Variants in ADAM23 observed in about 807,000 individuals in gnomAD.
ADAM23 encodes the protein disintegrin and metalloproteinase domain-containing protein 23.
ADAM23 carries 33 observed loss-of-function variants against 120.1 expected under a neutral mutation model. The observed-to-expected ratio is 0.27, with a 90% CI of 0.21 to 0.37. The LOEUF is 0.37. ADAM23 is among the 10% of genes least tolerant of loss of function. The pLI is 1.00. For missense variants in ADAM23, 862 were observed against 1,058.2 expected (o/e 0.81, Z 2.57); for synonymous variants, 367 against 375.2 (o/e 0.98, Z 0.25).
chr2:206,577,215 C>T (rs978423842), intron 18 of ADAM23, among the ~76,000 whole-genome samples: 6 of 152,122 alleles, frequency 3.9e-5, no homozygotes, highest in African/African-American at 1.4e-4. Flanking sequence ...TTAGAAATCT[C>T]ACATGTGGCT....
At chr2:206,507,697 A>G (rs1696523911) in intron 3 of ADAM23, among the ~76,000 whole-genome samples, 1 of 152,170 alleles carries the variant, frequency 6.6e-6, no homozygotes, top group African/African-American at 2.4e-5. Context: ...TTTCTTAATG[A>G]GATTTTGTCT....
At chr2:206,605,302 A>T (rs959853956) in intron 24 of ADAM23, among the ~76,000 whole-genome samples, 2 of 152,224 alleles carry the variant, frequency 1.3e-5, no homozygotes, top group Non-Finnish European at 2.9e-5. Context: ...GTAAACATGT[A>T]TTTACTTTTA....
In ADAM23 at chr2:206,601,895, G is replaced by A. The variant is rs571983419; in HGVS notation, c.2359+5733G>A. On this transcript the variant is annotated intron_variant, in intron 24 of 25. Coordinates refer to ENST00000264377, the MANE Select transcript of ADAM23 (RefSeq NM_003812.4). Reference sequence around the variant, plus strand: ...CTTATTAACTGATCCATTATTGTCAGTGATGCTTTTTATGGAATTAGATAA... The same window carrying A: ...CTTATTAACTGATCCATTATTGTCAATGATGCTTTTTATGGAATTAGATAA... 2.0e-5 allele frequency among the ~76,000 whole-genome samples: 3 copies of A among 152,174 alleles called. No homozygotes were observed. In the East Asian group the frequency reaches 5.8e-4, roughly 29 times the overall value.
intron 4 of ADAM23, among the ~76,000 whole-genome samples, chr2:206,538,870 T>A (rs1697234952): frequency 6.6e-6 from 1 of 152,138 alleles, no homozygotes; most frequent in African/African-American, 2.4e-5. Context: ...CTCCTTGGCC[T>A]CCCAAAGTGC....
rs143776177 is a variant in ADAM23 at position 206,463,007 on chromosome 2, G to A, written c.432+17483G>A. Among the ~76,000 whole-genome samples the A allele has an allele frequency of 4.2e-3, 636 of 152,300 alleles. 6 individuals are homozygous for A. Among genetic ancestry groups the A allele is most frequent in the African/African-American group, 0.014 (597 of 41,572 alleles). On this transcript the variant is annotated intron_variant, in intron 2 of 25. Transcript: ENST00000264377. ...GTTTACATTTGTCCAGGCAGTGATG[G>A]TGTGGACTGCACTGGGTGATGAGCA...
At chr2:206,548,379 T>G (rs774612223) in intron 8 of ADAM23, 25 bp downstream of exon 8, 1 of 1,600,006 alleles carries the variant, frequency 6.2e-7, no homozygotes, top group Non-Finnish European at 8.5e-7. Flanking sequence ...GAGCCTTGGG[T>G]GGGCCTATTT....
At position 206,618,472 on chromosome 2, in the gene ADAM23, A is replaced by C. The variant is rs878995771; in HGVS notation, c.*845A>C. On this transcript the variant is annotated 3_prime_UTR_variant, in exon 26 of 26. Transcript: ENST00000264377. ...TAAGAGATTTTGACACATCATTTTC[A>C]CTTGTCTGTATTGAGATATTTTCCT... 2.6e-5 allele frequency: 4 copies of C among 152,318 alleles called. No homozygotes were observed. Among genetic ancestry groups the C allele is most frequent in the South Asian group, 4.1e-4 (2 of 4,822 alleles). The allele number at this position is 152,318 out of a possible 1,614,324, so 9.4% of individuals were successfully genotyped here.
At chr2:206,537,146 A>G (rs1697193337) in intron 4 of ADAM23, among the ~76,000 whole-genome samples, 1 of 152,116 alleles carries the variant, frequency 6.6e-6, no homozygotes, top group Non-Finnish European at 1.5e-5. Flanking sequence ...CCCTGCCCTT[A>G]TGGGTCCTGT....
intron 3 of ADAM23, among the ~76,000 whole-genome samples, chr2:206,507,132 T>G (rs1039816051): frequency 2.0e-5 from 3 of 152,194 alleles, no homozygotes; most frequent in Admixed American, 6.5e-5. Flanking sequence ...TAAGAAAGTA[T>G]ATTTAAAATT....
chr2:206,480,742 T>A (rs1253640031), intron 2 of ADAM23, among the ~76,000 whole-genome samples: 2 of 152,168 alleles, frequency 1.3e-5, no homozygotes, highest in Non-Finnish European at 2.9e-5. Context: ...TTTCTGAAGT[T>A]ACAAGGTTGT....
intron 2 of ADAM23, among the ~76,000 whole-genome samples, chr2:206,465,636 C>G (rs921305617): frequency 2.6e-5 from 4 of 151,970 alleles, no homozygotes; most frequent in Non-Finnish European, 4.4e-5. Flanking sequence ...TTGCTTATTT[C>G]AGGTAATTAA....
At chr2:206,456,373 C>T (rs1257713490) in intron 2 of ADAM23, among the ~76,000 whole-genome samples, 1 of 151,990 alleles carries the variant, frequency 6.6e-6, no homozygotes, top group African/African-American at 2.4e-5. Flanking sequence ...CAGGACCCTC[C>T]TCTAAAACTG....
intron 3 of ADAM23, among the ~76,000 whole-genome samples, chr2:206,517,049 TAAAA>T (rs200219522): frequency 1.3e-5 from 2 of 151,994 alleles, no homozygotes; most frequent in African/African-American, 2.4e-5. Flanking sequence ...CTTGCTAAAA[TAAAA>T]AAACACGCTC....
chr2:206,614,605 C>T (rs567571258), intron 25 of ADAM23, among the ~76,000 whole-genome samples: 22 of 152,036 alleles, frequency 1.4e-4, no homozygotes, highest in African/African-American at 5.1e-4. Flanking sequence ...TGAGCCGAGA[C>T]TGCGCCATTG....
intron 2 of ADAM23, among the ~76,000 whole-genome samples, chr2:206,454,939 C>G (rs1014031336): frequency 2.0e-5 from 3 of 152,216 alleles, no homozygotes; most frequent in African/African-American, 4.8e-5. Flanking sequence ...CGTGGCCTTT[C>G]TAGGTGCATG....
At chr2:206,465,506 TA>T (rs1192332827) in intron 2 of ADAM23, among the ~76,000 whole-genome samples, 1 of 152,214 alleles carries the variant, frequency 6.6e-6, no homozygotes, top group Non-Finnish European at 1.5e-5. Context: ...TATAGTCCTC[TA>T]CTTTTGGAAA....
intron 17 of ADAM23, among the ~76,000 whole-genome samples, chr2:206,572,267 G>A (rs1164145840): frequency 1.3e-5 from 2 of 152,096 alleles, no homozygotes; most frequent in African/African-American, 4.8e-5. Context: ...AGGCAAGAAA[G>A]TGAGATAGGA....
chr2:206,548,635 GATA>G (rs1697450101), intron 8 of ADAM23, among the ~76,000 whole-genome samples: 1 of 152,130 alleles, frequency 6.6e-6, no homozygotes. Flanking sequence ...GTTTTCTGAT[GATA>G]ATTGCAGTGC....
intron 2 of ADAM23, among the ~76,000 whole-genome samples, chr2:206,475,205 A>G (rs1695752138): frequency 6.6e-6 from 1 of 152,210 alleles, no homozygotes; most frequent in Non-Finnish European, 1.5e-5. Context: ...TTAAAATGTA[A>G]GAAATGTGAG....
Sources: allele counts gnomAD v4.1 joint callset (sites outside exome capture counted in the v4.1 genomes callset), GRCh38; gene constraint gnomAD v4.1.1; transcripts MANE v1.5; gene names NCBI Gene and HGNC (gene_info 2026-07-23, HGNC 2026-07-21).